TMEM117: variants seen among roughly 807,000 people sequenced by gnomAD.
TMEM117 encodes transmembrane protein 117.
TMEM117 carries 27 observed loss-of-function variants against 52.4 expected under a neutral mutation model. The observed-to-expected ratio is 0.51, with a 90% CI of 0.38 to 0.71. TMEM117 has a LOEUF of 0.71. TMEM117 is among the 30% of genes least tolerant of loss of function. The probability of loss-of-function intolerance (pLI) is 0.00; values close to 1 mark genes in which losing one functional copy is unlikely to be tolerated. For missense variants in TMEM117, 556 were observed against 630.5 expected, an observed-to-expected ratio of 0.88 and a Z score of 1.26; for synonymous variants, 215 against 206.3, an observed-to-expected ratio of 1.04 and a Z score of -0.36.
chr12:43,830,012 C>T, the TMEM117 span, among the ~76,000 whole-genome samples: 294 of 148,904 alleles, frequency 2.0e-3, 2 homozygotes, highest in African/African-American at 6.8e-3. Context: ...TGCTTGAACC[C>T]GGGAGGCGGA....
At chr12:43,797,423 A>G in the TMEM117 span, 2 of 1,597,434 alleles carry the variant, frequency 1.3e-6, no homozygotes, top group Non-Finnish European at 1.7e-6. Flanking sequence ...TGTTGGCCAA[A>G]ATTATAATTT....
intron 6 of TMEM117, among the ~76,000 whole-genome samples, chr12:44,348,230 G>A (rs1416809245): frequency 6.7e-6 from 1 of 149,092 alleles, no homozygotes; most frequent in East Asian, 2.0e-4. Flanking sequence ...AGATATAAAG[G>A]AATAATATCT....
chr12:44,065,207 T>C (rs907529651), intron 3 of TMEM117, among the ~76,000 whole-genome samples: 4 of 152,052 alleles, frequency 2.6e-5, no homozygotes, highest in African/African-American at 9.7e-5. Flanking sequence ...GGTGAAACCC[T>C]GTTTCTACTA....
At chr12:44,103,195 T>C (rs1030749210) in intron 3 of TMEM117, among the ~76,000 whole-genome samples, 26 of 151,934 alleles carry the variant, frequency 1.7e-4, no homozygotes, top group African/African-American at 6.3e-4. Context: ...AGGTCTTCTT[T>C]CTTCTGCACT....
At chr12:43,912,796 G>A (rs949208318) in intron 2 of TMEM117, among the ~76,000 whole-genome samples, 4 of 151,704 alleles carry the variant, frequency 2.6e-5, no homozygotes, top group Non-Finnish European at 5.9e-5. Flanking sequence ...AAGAAAATTA[G>A]TCTAATTTAT....
chr12:44,157,989 A>G (rs1195588307), intron 4 of TMEM117, among the ~76,000 whole-genome samples: 2 of 152,192 alleles, frequency 1.3e-5, no homozygotes, highest in Non-Finnish European at 2.9e-5. Context: ...ATACTCATCC[A>G]AATAGTTTTC....
chr12:43,941,421 C>T (rs1009089864), intron 2 of TMEM117, among the ~76,000 whole-genome samples: 1 of 152,176 alleles, frequency 6.6e-6, no homozygotes, highest in East Asian at 1.9e-4. Context: ...TATGCCAGGA[C>T]AACAATTATA....
chr12:44,120,247 C>A (rs1284988869), intron 3 of TMEM117, among the ~76,000 whole-genome samples: 139 of 152,268 alleles, frequency 9.1e-4, no homozygotes, highest in Non-Finnish European at 1.9e-4. Context: ...TGGCTGTCTT[C>A]TATTCTTAAT....
intron 2 of TMEM117, among the ~76,000 whole-genome samples, chr12:43,894,667 T>G (rs1031215778): frequency 1.3e-5 from 2 of 152,122 alleles, no homozygotes; most frequent in Non-Finnish European, 2.9e-5. Flanking sequence ...TGTTCCTGCA[T>G]TAGTTTGCTA....
chr12:44,055,182 A>C (rs1947035156), intron 3 of TMEM117, among the ~76,000 whole-genome samples: 1 of 152,112 alleles, frequency 6.6e-6, no homozygotes, highest in East Asian at 1.9e-4. Context: ...ACTCTGTAAA[A>C]CCTGTATAAT....
chr12:43,879,109 C>T (rs1331088084), intron 2 of TMEM117, among the ~76,000 whole-genome samples: 1 of 152,114 alleles, frequency 6.6e-6, no homozygotes, highest in Non-Finnish European at 1.5e-5. Flanking sequence ...ATAATGGATA[C>T]ACATATGAAC....
At chr12:43,884,331 ATAT>A (rs1943952559) in intron 2 of TMEM117, among the ~76,000 whole-genome samples, 1 of 152,000 alleles carries the variant, frequency 6.6e-6, no homozygotes, top group African/African-American at 2.4e-5. Context: ...GAAATAGTAT[ATAT>A]TATTATATTG....
Position 44,005,778 on chromosome 12 carries a change from C to T in TMEM117, c.410+61436C>T, listed in dbSNP as rs190033982. On this transcript the variant is annotated intron_variant, in intron 3 of 7. Coordinates refer to ENST00000266534, the MANE Select transcript of TMEM117 (RefSeq NM_032256.3). ...TTACAGGAGAGACCCAGTGGAAGGT[C>T]ATTGAATAATGGGGGCGGGTCTTTA... is the stretch of plus-strand genomic sequence containing the variant. 2.7e-3 allele frequency among the ~76,000 whole-genome samples: 417 copies of T among 152,266 alleles called. 4 individuals carry two copies. The highest frequency in any genetic ancestry group is 9.5e-3 in the African/African-American group (393 of 41,578).
At chr12:43,812,955 A>C in the TMEM117 span, among the ~76,000 whole-genome samples, 1 of 151,202 alleles carries the variant, frequency 6.6e-6, no homozygotes, top group Non-Finnish European at 1.5e-5. Context: ...GCAGTGAGCT[A>C]CGATCATGTG....
At chr12:44,055,188 A>G (rs1947035321) in intron 3 of TMEM117, among the ~76,000 whole-genome samples, 1 of 152,198 alleles carries the variant, frequency 6.6e-6, no homozygotes, top group South Asian at 2.1e-4. Context: ...TAAAACCTGT[A>G]TAATTAGCAG....
At chr12:43,969,356 T>TAAAAAAAAAAAAAA (rs1166788465) in intron 3 of TMEM117, among the ~76,000 whole-genome samples, 11 of 79,556 alleles carry the variant, frequency 1.4e-4, no homozygotes, top group African/African-American at 4.3e-4. Context: ...CCGTCTCTAC[T>TAAAAAAAAAAAAAA]AAAAAAAAAA....
At chr12:44,290,084 G>A (rs1950685912) in intron 5 of TMEM117, among the ~76,000 whole-genome samples, 1 of 152,032 alleles carries the variant, frequency 6.6e-6, no homozygotes, top group Admixed American at 6.6e-5. Context: ...ACTTGTATGA[G>A]TTCCTTATAT....
chr12:43,864,851 G>C (rs1047380133), intron 2 of TMEM117, among the ~76,000 whole-genome samples: 2 of 152,164 alleles, frequency 1.3e-5, no homozygotes, highest in African/African-American at 4.8e-5. Context: ...TCTTGCTGCT[G>C]CTCACTGTTT....
At chr12:43,888,008 C>T (rs1366130788) in intron 2 of TMEM117, among the ~76,000 whole-genome samples, 2 of 152,102 alleles carry the variant, frequency 1.3e-5, no homozygotes, top group East Asian at 3.9e-4. Context: ...CAAAGTTAGC[C>T]TCTATTTGGG....
Sources: allele counts gnomAD v4.1 joint callset (sites outside exome capture counted in the v4.1 genomes callset), GRCh38; gene constraint gnomAD v4.1.1; transcripts MANE v1.5; gene names NCBI Gene and HGNC (gene_info 2026-07-23, HGNC 2026-07-21).